AGBL1: variants seen among roughly 807,000 people sequenced by gnomAD.
AGBL1 encodes the protein cytosolic carboxypeptidase 4.
AGBL1 carries 130 observed loss-of-function variants against 118.9 expected under a neutral mutation model. That is an observed-to-expected ratio of 1.09 (90% CI 0.95 to 1.26). The LOEUF is 1.26. Among genes scored for constraint, AGBL1 ranks in the 50% most tolerant of loss-of-function variants. The pLI, the probability that AGBL1 is intolerant of heterozygous loss-of-function variation, is 0.00. For synonymous variants in AGBL1, 555 were observed against 478.9 expected, an observed-to-expected ratio of 1.16 and a Z score of -2.08; for missense variants, 1,584 against 1,298.1, an observed-to-expected ratio of 1.22 and a Z score of -3.38.
At chr15:86,700,761 T>C (rs2086344063) in intron 22 of AGBL1, among the ~76,000 whole-genome samples, 1 of 152,106 alleles carries the variant, frequency 6.6e-6, no homozygotes, top group South Asian at 2.1e-4. Flanking sequence ...TGCTTCCCTG[T>C]TCTCAGAGAA....
chr15:86,506,388 C>T (rs1279932196), intron 18 of AGBL1, among the ~76,000 whole-genome samples: 1 of 152,084 alleles, frequency 6.6e-6, no homozygotes, highest in Non-Finnish European at 1.5e-5. Flanking sequence ...CAGTTTTCTA[C>T]TATCTGGGAG....
chr15:86,518,937 A>G (rs183595217), intron 18 of AGBL1, among the ~76,000 whole-genome samples: 5 of 151,462 alleles, frequency 3.3e-5, no homozygotes, highest in Admixed American at 6.6e-5. Context: ...TGGCATATTT[A>G]GTGCCTATAA....
chr15:86,376,229 G>A (rs575947697), intron 17 of AGBL1, among the ~76,000 whole-genome samples: 2 of 152,156 alleles, frequency 1.3e-5, no homozygotes, highest in African/African-American at 4.8e-5. Context: ...TGAGAAGAAG[G>A]TCAGTGTTAG....
At chr15:86,409,499 C>T (rs2081580983) in intron 18 of AGBL1, among the ~76,000 whole-genome samples, 1 of 152,142 alleles carries the variant, frequency 6.6e-6, no homozygotes, top group African/African-American at 2.4e-5. Flanking sequence ...GCGTCAGGAG[C>T]TTGAGGACTC....
At chr15:86,686,822 G>T (rs1244334739) in intron 22 of AGBL1, among the ~76,000 whole-genome samples, 1 of 152,114 alleles carries the variant, frequency 6.6e-6, no homozygotes, top group East Asian at 1.9e-4. Flanking sequence ...TATCCCATTG[G>T]ACAGAGATGA....
intron 7 of AGBL1, among the ~76,000 whole-genome samples, chr15:86,252,904 T>G (rs981728643): frequency 2.6e-5 from 4 of 152,198 alleles, no homozygotes; most frequent in Admixed American, 6.5e-5. Flanking sequence ...GGCTTAGAAT[T>G]TCTCCTCTAT....
In AGBL1 at chr15:86,256,993, T is replaced by C. The variant is rs1478582364; in HGVS notation, c.876T>C (p.Thr292=). 6.2e-7 allele frequency: 1 copy of C among 1,613,928 alleles called. No individual in the cohort carries two copies. The change falls in exon 8 of 23, where the codon ACT becomes ACC. Residue 292 remains threonine, a synonymous_variant. Transcript: ENST00000614907. ...YAFPVPGCIT[T]EPPHDLPEED... is the part of the protein sequence containing the mutation. ...TCCCGGTCCCCGGGTGCATCACCAC[T>C]GAACCTCCACATGATCTACCTGAAG... is the stretch of plus-strand genomic sequence containing the variant.
At chr15:86,627,462 G>T (rs1216972440) in intron 21 of AGBL1, among the ~76,000 whole-genome samples, 1 of 152,184 alleles carries the variant, frequency 6.6e-6, no homozygotes, top group African/African-American at 2.4e-5. Flanking sequence ...CAAATGTGAA[G>T]ACTTGGCCTC....
intron 5 of AGBL1, among the ~76,000 whole-genome samples, chr15:86,167,934 A>T (rs1451278808): frequency 6.6e-6 from 1 of 152,244 alleles, no homozygotes; most frequent in East Asian, 1.9e-4. Flanking sequence ...GTAGAGAACA[A>T]TAAATGGTTA....
At chr15:86,952,003 C>A (rs377739267) in intron 23 of AGBL1, among the ~76,000 whole-genome samples, 3 of 152,166 alleles carry the variant, frequency 2.0e-5, no homozygotes, top group East Asian at 3.9e-4. Context: ...GAGGCTGAGG[C>A]GGGTGGATCA....
At chr15:86,860,840 T>A (rs998862761) in intron 22 of AGBL1, among the ~76,000 whole-genome samples, 1 of 152,068 alleles carries the variant, frequency 6.6e-6, no homozygotes, top group African/African-American at 2.4e-5. Flanking sequence ...ATATTCTGCT[T>A]GCACCTATCA....
chr15:86,220,480 TA>T (rs564683135), intron 5 of AGBL1, among the ~76,000 whole-genome samples: 1 of 152,326 alleles, frequency 6.6e-6, no homozygotes, highest in African/African-American at 2.4e-5. Context: ...TAATGGCTCT[TA>T]AAATTTACTT....
intron 18 of AGBL1, among the ~76,000 whole-genome samples, chr15:86,423,219 A>G (rs543914724): frequency 6.6e-6 from 1 of 152,236 alleles, no homozygotes; most frequent in Admixed American, 6.5e-5. Context: ...CTAGCAGCAC[A>G]TCAAAAAGCT....
intron 1 of AGBL1, among the ~76,000 whole-genome samples, chr15:86,118,116 C>A (rs1298889926): frequency 1.3e-5 from 2 of 152,196 alleles, no homozygotes; most frequent in African/African-American, 4.8e-5. Context: ...CTCAGAAAAT[C>A]TCTCTTTCAA....
chr15:86,414,170 A>T (rs2081658555), intron 18 of AGBL1, among the ~76,000 whole-genome samples: 1 of 152,166 alleles, frequency 6.6e-6, no homozygotes, highest in Non-Finnish European at 1.5e-5. Context: ...CTGGAGACTC[A>T]AAAGGATAGC....
intron 1 of AGBL1, among the ~76,000 whole-genome samples, chr15:86,102,471 T>G (rs1180524043): frequency 2.6e-5 from 4 of 152,222 alleles, no homozygotes; most frequent in Non-Finnish European, 5.9e-5. Flanking sequence ...GCAGAGTCAG[T>G]CTAGTGGTGA....
chr15:86,079,999 A>G lies in AGBL1; in HGVS notation c.27A>G (p.Leu9=). The change falls in exon 1 of 23, where the codon CTA becomes CTG. Residue 9 remains leucine, a synonymous_variant. Transcript: ENST00000614907. MAEQEASG[L]QVLLHTLQSS... is the part of the protein sequence containing the mutation. Reference sequence around the variant, plus strand: ...TGGCCGAACAAGAAGCTAGTGGGCTACAGGTCCTGCTGCACACGCTTCAGG... The same window carrying G: ...TGGCCGAACAAGAAGCTAGTGGGCTGCAGGTCCTGCTGCACACGCTTCAGG... 4.1e-6 allele frequency: 5 copies of G among 1,232,212 alleles called. No homozygotes were observed. The highest frequency in any genetic ancestry group is 5.1e-6 in the Non-Finnish European group (5 of 988,018). The allele number at this position is 1,232,212 out of a possible 1,614,324, so 76.3% of individuals were successfully genotyped here.
At chr15:86,957,271 A>G (rs1041301298) in intron 23 of AGBL1, among the ~76,000 whole-genome samples, 10 of 152,132 alleles carry the variant, frequency 6.6e-5, no homozygotes, top group South Asian at 2.1e-4. Flanking sequence ...AATCCTACAG[A>G]AAATTTTACT....
At chr15:86,712,803 T>C (rs969738658) in intron 22 of AGBL1, among the ~76,000 whole-genome samples, 7 of 152,182 alleles carry the variant, frequency 4.6e-5, no homozygotes, top group East Asian at 1.9e-4. Context: ...AGGAACTAGA[T>C]ACTTGATTAG....
Sources: allele counts gnomAD v4.1 joint callset (sites outside exome capture counted in the v4.1 genomes callset), GRCh38; gene constraint gnomAD v4.1.1; transcripts MANE v1.5; gene names NCBI Gene and HGNC (gene_info 2026-07-23, HGNC 2026-07-21).